TAS2R1: variants seen among roughly 807,000 people sequenced by gnomAD.
TAS2R1 encodes the protein taste receptor type 2 member 1.
For missense variants in TAS2R1, 370 were observed against 353.4 expected, an observed-to-expected ratio of 1.05 and a Z score of -0.38; for synonymous variants, 141 against 134.2, an observed-to-expected ratio of 1.05 and a Z score of -0.35.
chr5:9,875,851 C>T, the TAS2R1 span, among the ~76,000 whole-genome samples: 3 of 152,042 alleles, frequency 2.0e-5, no homozygotes, highest in East Asian at 3.9e-4. Context: ...TGGTGAGTCC[C>T]GGAAAAAGTG....
At chr5:9,797,922 G>A in the TAS2R1 span, among the ~76,000 whole-genome samples, 1 of 152,114 alleles carries the variant, frequency 6.6e-6, no homozygotes, top group African/African-American at 2.4e-5. Flanking sequence ...CTGCATATTT[G>A]CCTCCAAAGA....
intron 1 of TAS2R1, among the ~76,000 whole-genome samples, chr5:9,685,367 A>T (rs1741105235): frequency 6.6e-6 from 1 of 152,190 alleles, no homozygotes; most frequent in South Asian, 2.1e-4. Flanking sequence ...AAACATGTCA[A>T]GGAAAAAGAC....
chr5:9,730,709 T>C, the TAS2R1 span, among the ~76,000 whole-genome samples: 1 of 152,006 alleles, frequency 6.6e-6, no homozygotes, highest in Non-Finnish European at 1.5e-5. Context: ...ATGATATGGT[T>C]TGGCTGTGTC....
At chr5:9,820,559 G>A in the TAS2R1 span, among the ~76,000 whole-genome samples, 1 of 152,120 alleles carries the variant, frequency 6.6e-6, no homozygotes, top group Admixed American at 6.5e-5. Flanking sequence ...GTGGTGTCTA[G>A]CCTCTTCCAC....
chr5:9,844,923 T>C, the TAS2R1 span, among the ~76,000 whole-genome samples: 2 of 152,170 alleles, frequency 1.3e-5, no homozygotes, highest in East Asian at 3.9e-4. Flanking sequence ...TCTTCAATAG[T>C]GTCAATTGTC....
intron 1 of TAS2R1, among the ~76,000 whole-genome samples, chr5:9,672,355 A>G (rs1740784045): frequency 1.3e-5 from 2 of 152,202 alleles, no homozygotes; most frequent in Non-Finnish European, 2.9e-5. Context: ...CAACCTACAG[A>G]ACAGGAGAAA....
At chr5:9,855,223 T>A in the TAS2R1 span, among the ~76,000 whole-genome samples, 2 of 152,338 alleles carry the variant, frequency 1.3e-5, no homozygotes, top group African/African-American at 4.8e-5. Context: ...ATGGCTCTTA[T>A]CTGACCCATC....
At chr5:9,841,816 A>C in the TAS2R1 span, among the ~76,000 whole-genome samples, 2 of 152,192 alleles carry the variant, frequency 1.3e-5, no homozygotes, top group Non-Finnish European at 2.9e-5. Flanking sequence ...TTGCTATAAA[A>C]GCATGGGATT....
chr5:9,723,289 C>G, the TAS2R1 span, among the ~76,000 whole-genome samples: 2 of 152,312 alleles, frequency 1.3e-5, no homozygotes, highest in African/African-American at 4.8e-5. Flanking sequence ...TGCCTAGATT[C>G]TACCACTTCA....
At chr5:9,661,352 GC>G (rs1453736610) in intron 1 of TAS2R1, among the ~76,000 whole-genome samples, 1 of 152,106 alleles carries the variant, frequency 6.6e-6, no homozygotes. Flanking sequence ...AATTAGCTGG[GC>G]TTGACTAATC....
the TAS2R1 span, among the ~76,000 whole-genome samples, chr5:9,840,089 C>T: frequency 6.6e-6 from 1 of 152,122 alleles, no homozygotes; most frequent in Admixed American, 6.5e-5. Flanking sequence ...TCCTTGCTAC[C>T]TTGTATTTCA....
intron 1 of TAS2R1, among the ~76,000 whole-genome samples, chr5:9,690,937 A>G (rs1741237193): frequency 6.6e-6 from 1 of 152,118 alleles, no homozygotes; most frequent in African/African-American, 2.4e-5. Flanking sequence ...CCATTCAAAA[A>G]CAGGACAAAG....
At chr5:9,899,441 A>G in the TAS2R1 span, among the ~76,000 whole-genome samples, 1 of 152,292 alleles carries the variant, frequency 6.6e-6, no homozygotes, top group South Asian at 2.1e-4. Context: ...GTTCAAGACC[A>G]GCCTAACCAA....
the TAS2R1 span, among the ~76,000 whole-genome samples, chr5:9,826,705 C>T: frequency 5.3e-5 from 8 of 152,118 alleles, no homozygotes; most frequent in Non-Finnish European, 8.8e-5. Context: ...CTACTTCTGA[C>T]CTTAAAACAT....
At chr5:9,884,804 C>T in the TAS2R1 span, among the ~76,000 whole-genome samples, 2 of 152,192 alleles carry the variant, frequency 1.3e-5, no homozygotes, top group African/African-American at 4.8e-5. Flanking sequence ...TGACCTTTTT[C>T]TAGGAACTAG....
the TAS2R1 span, among the ~76,000 whole-genome samples, chr5:9,786,524 G>T: frequency 1.3e-5 from 2 of 152,144 alleles, no homozygotes; most frequent in African/African-American, 2.4e-5. Flanking sequence ...CAATAACACG[G>T]TTCTCAACGT....
chr5:9,848,584 G>A, the TAS2R1 span, among the ~76,000 whole-genome samples: 1 of 152,078 alleles, frequency 6.6e-6, no homozygotes, highest in Non-Finnish European at 1.5e-5. Flanking sequence ...TAAGAGAGTA[G>A]ATTTTAAATG....
At chr5:9,895,687 C>CA in the TAS2R1 span, among the ~76,000 whole-genome samples, 1 of 152,242 alleles carries the variant, frequency 6.6e-6, no homozygotes, top group African/African-American at 2.4e-5. Flanking sequence ...GGCACTCTAT[C>CA]AACAGATCTG....
the TAS2R1 span, among the ~76,000 whole-genome samples, chr5:9,901,729 T>C: frequency 6.6e-6 from 1 of 152,144 alleles, no homozygotes; most frequent in Non-Finnish European, 1.5e-5. Context: ...GCGATGTGGA[T>C]CCAGGCCGGA....
Sources: allele counts gnomAD v4.1 joint callset (sites outside exome capture counted in the v4.1 genomes callset), GRCh38; gene constraint gnomAD v4.1.1; transcripts MANE v1.5; gene names NCBI Gene and HGNC (gene_info 2026-07-23, HGNC 2026-07-21).